GAB2: variants seen among roughly 807,000 people sequenced by gnomAD.
GAB2 encodes the protein GRB2 associated binding protein 2.
In GAB2, 26 loss-of-function variants were observed where a neutral mutation model predicts 65.5. That is an observed-to-expected ratio of 0.40 (90% confidence interval 0.29 to 0.55). The LOEUF (loss-of-function observed/expected upper bound fraction) is 0.55, where lower values mean the gene tolerates loss of function less well. GAB2 is among the 20% of genes least tolerant of loss of function. GAB2 has a pLI of 0.53. For missense variants in GAB2, 884 were observed against 875.8 expected, an observed-to-expected ratio of 1.01 and a Z score of -0.12; for synonymous variants, 321 against 329.6, an observed-to-expected ratio of 0.97 and a Z score of 0.28.
chr11:78,264,901 T>G (rs1203079330), intron 2 of GAB2, among the ~76,000 whole-genome samples: 4 of 152,160 alleles, frequency 2.6e-5, no homozygotes, highest in Admixed American at 6.5e-5. Context: ...GGTAGACGTC[T>G]CCAAAGGGCT....
intron 1 of GAB2, among the ~76,000 whole-genome samples, chr11:78,373,300 C>T (rs903081402): frequency 4.1e-5 from 6 of 144,846 alleles, no homozygotes; most frequent in African/African-American, 1.6e-4. Flanking sequence ...AGTGCAATGG[C>T]GGAATCTCAG....
intron 1 of GAB2, among the ~76,000 whole-genome samples, chr11:78,368,415 T>A (rs1856525922): frequency 6.6e-6 from 1 of 152,218 alleles, no homozygotes; most frequent in South Asian, 2.1e-4. Context: ...ATGTAAATTA[T>A]CCTGGACAAA....
chr11:78,232,761 T>G (rs1202369033), intron 3 of GAB2, among the ~76,000 whole-genome samples: 1 of 152,186 alleles, frequency 6.6e-6, no homozygotes, highest in African/African-American at 2.4e-5. Flanking sequence ...AAGAGATAGA[T>G]AGAAGGCTGG....
At chr11:78,315,528 C>G (rs1565156227) in intron 1 of GAB2, among the ~76,000 whole-genome samples, 1 of 152,008 alleles carries the variant, frequency 6.6e-6, no homozygotes, top group Non-Finnish European at 1.5e-5. Context: ...CAAAATGGAC[C>G]AAAGACCTAA....
intron 1 of GAB2, among the ~76,000 whole-genome samples, chr11:78,377,703 A>C (rs1158363798): frequency 2.6e-5 from 4 of 152,168 alleles, no homozygotes; most frequent in Non-Finnish European, 5.9e-5. Flanking sequence ...AATATTATCT[A>C]TCGCACAGTA....
chr11:78,399,651 T>C (rs1009141009), intron 1 of GAB2, among the ~76,000 whole-genome samples: 2 of 152,218 alleles, frequency 1.3e-5, no homozygotes, highest in Non-Finnish European at 2.9e-5. Flanking sequence ...TCTGACATTG[T>C]ACATTCCAGG....
intron 1 of GAB2, among the ~76,000 whole-genome samples, chr11:78,386,976 A>T (rs1856776277): frequency 1.3e-5 from 2 of 152,240 alleles, no homozygotes; most frequent in East Asian, 3.8e-4. Flanking sequence ...TTTTAAATCA[A>T]AATGACATGT....
intron 1 of GAB2, among the ~76,000 whole-genome samples, chr11:78,404,467 A>C (rs576069964): frequency 8.5e-5 from 13 of 152,218 alleles, no homozygotes; most frequent in Non-Finnish European, 1.8e-4. Context: ...GGATCGCTTG[A>C]GCCTAGGAGG....
chr11:78,310,917 GA>G (rs1317869468), intron 1 of GAB2, among the ~76,000 whole-genome samples: 2 of 152,264 alleles, frequency 1.3e-5, no homozygotes, highest in Non-Finnish European at 2.9e-5. Context: ...CTACACAGGG[GA>G]AAAAAGTTTG....
intron 2 of GAB2, among the ~76,000 whole-genome samples, chr11:78,254,820 GA>G (rs879774075): frequency 4.8e-4 from 70 of 144,472 alleles, no homozygotes; most frequent in Admixed American, 2.6e-3. Flanking sequence ...AAAGAAAAAA[GA>G]AAAAAAAAAG....
At chr11:78,341,165 C>T (rs768342057) in intron 1 of GAB2, among the ~76,000 whole-genome samples, 2 of 152,184 alleles carry the variant, frequency 1.3e-5, no homozygotes, top group Non-Finnish European at 1.5e-5. Context: ...TCTATGGTTT[C>T]ACATCTCTCA....
chr11:78,275,455 AATT>A lies in GAB2; in HGVS notation c.376+5143_376+5145del, dbSNP rs563217702. Reference sequence around the variant, plus strand: ...TCAGTTAAAAAAAAAACACTGAATGAATTATTAAGTTTTAATTTTTTACCTGAA... The same window carrying A: ...TCAGTTAAAAAAAAAACACTGAATGAATTAAGTTTTAATTTTTTACCTGAA... On this transcript the variant is annotated intron_variant, in intron 2 of 9. Transcript: ENST00000361507. Among the ~76,000 whole-genome samples, 174 of 152,302 alleles carry A rather than the reference AATT, an allele frequency of 1.1e-3. No homozygotes were observed. The South Asian group carries it at 0.015, about 13-fold the overall frequency.
intron 4 of GAB2, 48 bp from the exon 5 acceptor site, chr11:78,225,250 TTG>T: frequency 2.4e-6 from 3 of 1,266,844 alleles, no homozygotes; most frequent in Non-Finnish European, 3.5e-6. Context: ...GATTCATGTG[TTG>T]ACACTTACCC....
intron 1 of GAB2, among the ~76,000 whole-genome samples, chr11:78,291,118 A>C (rs1202395117): frequency 6.6e-6 from 1 of 152,010 alleles, no homozygotes; most frequent in Admixed American, 6.6e-5. Flanking sequence ...GCCTAAACAA[A>C]GGGTGGGAAG....
chr11:78,357,030 G>A (rs1018977668), intron 1 of GAB2, among the ~76,000 whole-genome samples: 1 of 152,170 alleles, frequency 6.6e-6, no homozygotes, highest in African/African-American at 2.4e-5. Flanking sequence ...TCTGTTTAAT[G>A]GGTACACAGT....
chr11:78,347,805 T>C (rs2134700039), intron 1 of GAB2, among the ~76,000 whole-genome samples: 1 of 152,234 alleles, frequency 6.6e-6, no homozygotes, highest in Non-Finnish European at 1.5e-5. Flanking sequence ...ATGATACAAT[T>C]AAGAGAAGGA....
rs143707918 is a variant in GAB2 at position 78,246,560 on chromosome 11, G to A, written c.620+3597C>T. Among the ~76,000 whole-genome samples the A allele has an allele frequency of 3.7e-3, 559 of 152,108 alleles. 4 individuals carry two copies. Among genetic ancestry groups the A allele is most frequent in the African/African-American group, 0.013 (521 of 41,504 alleles). Reference sequence around the variant, plus strand: ...GTTGCCCAGGCTGGAGTGCAGTGGCGTGATCTCGGCCCACTGCAACCTCCA... The same window carrying A: ...GTTGCCCAGGCTGGAGTGCAGTGGCATGATCTCGGCCCACTGCAACCTCCA... On this transcript the variant is annotated intron_variant, in intron 3 of 9. Transcript: ENST00000361507.
At position 78,370,725 on chromosome 11, in the gene GAB2, A is replaced by ATGTGTG. The variant is rs113823389; in HGVS notation, c.75+46915_75+46920dup. On this transcript the variant is annotated intron_variant, in intron 1 of 9. Transcript: ENST00000361507. ...TATGTGTGTGTGCGTGTGTGTGTGT[A>ATGTGTG]TGTGTGTGTGTGTGTGTGTGTAAGG... Among the ~76,000 whole-genome samples the ATGTGTG allele has an allele frequency of 4.0e-3, 603 of 148,898 alleles. 4 individuals carry two copies. Among genetic ancestry groups the ATGTGTG allele is most frequent in the African/African-American group, 0.014 (566 of 40,330 alleles).
intron 1 of GAB2, among the ~76,000 whole-genome samples, chr11:78,403,537 CAGA>C (rs1444761169): frequency 6.6e-6 from 1 of 152,122 alleles, no homozygotes; most frequent in Non-Finnish European, 1.5e-5. Context: ...TATCCATATG[CAGA>C]AGAATGAAAC....
Sources: allele counts gnomAD v4.1 joint callset (sites outside exome capture counted in the v4.1 genomes callset), GRCh38; gene constraint gnomAD v4.1.1; transcripts MANE v1.5; gene names NCBI Gene and HGNC (gene_info 2026-07-23, HGNC 2026-07-21).